Variants in ABCG8 observed in about 807,000 individuals in gnomAD.
The protein encoded by ABCG8 is ATP binding cassette subfamily G member 8, also known as ATP-binding cassette sub-family G member 8.
Under a neutral mutation model 71.3 loss-of-function variants are expected in ABCG8, and 81 were observed. The ratio of observed to expected loss-of-function variants is 1.14; its 90% CI spans 0.95 to 1.37. The LOEUF (loss-of-function observed/expected upper bound fraction) is 1.37, where lower values mean the gene tolerates loss of function less well. ABCG8 is among the 40% of genes most tolerant of loss of function. The pLI is 0.00. For synonymous variants in ABCG8, 451 were observed against 354.7 expected, an observed-to-expected ratio of 1.27 and a Z score of -3.05; for missense variants, 1,119 against 866.2, an observed-to-expected ratio of 1.29 and a Z score of -3.66.
chr2:43,875,157 G>A lies in ABCG8; in HGVS notation c.1500G>A (p.Glu500=). 6.2e-7 allele frequency: 1 copy of A among 1,614,238 alleles called. No homozygotes were observed. Among genetic ancestry groups the A allele is most frequent in the Non-Finnish European group, 8.5e-7 (1 of 1,180,052 alleles). Reference sequence around the variant, plus strand: ...GCTGTTCTTTGCAGATCCTCGGGGAGCTTCCGGAGCACTGTGCCTACATCA... The same window carrying A: ...GCTGTTCTTTGCAGATCCTCGGGGAACTTCCGGAGCACTGTGCCTACATCA... The part of the protein sequence containing the change: ...GPYFFAKILG[E]LPEHCAYIII... Residue 500 remains glutamate (E), a synonymous_variant, in exon 11 of 13, where the codon GAG becomes GAA. Coordinates refer to ENST00000272286, the MANE Select transcript of ABCG8 (RefSeq NM_022437.3).
At chr2:43,841,627 C>A (rs369556847) in intron 1 of ABCG8, among the ~76,000 whole-genome samples, 13 of 152,296 alleles carry the variant, frequency 8.5e-5, no homozygotes, top group African/African-American at 3.1e-4. Flanking sequence ...GGAGTCAGGG[C>A]TGGCCCACAC....
At chr2:43,854,137 A>G (rs768974406) in intron 6 of ABCG8, among the ~76,000 whole-genome samples, 1 of 152,196 alleles carries the variant, frequency 6.6e-6, no homozygotes, top group Non-Finnish European at 1.5e-5. Flanking sequence ...TTTACATTTT[A>G]TATTGTTACT....
chr2:43,860,742 G>T (rs1213306941), intron 6 of ABCG8, among the ~76,000 whole-genome samples: 1 of 151,168 alleles, frequency 6.6e-6, no homozygotes, highest in African/African-American at 2.4e-5. Flanking sequence ...TATCTGGATA[G>T]AATTCTTACT....
chr2:43,857,958 C>A (rs1156584714), intron 6 of ABCG8, among the ~76,000 whole-genome samples: 4 of 150,888 alleles, frequency 2.7e-5, no homozygotes, highest in Non-Finnish European at 5.9e-5. Flanking sequence ...GTAGATTGCT[C>A]ACCATCTGGA....
intron 6 of ABCG8, among the ~76,000 whole-genome samples, chr2:43,862,267 T>A (rs1191091077): frequency 2.1e-5 from 3 of 146,188 alleles, no homozygotes; most frequent in Admixed American, 6.7e-5. Flanking sequence ...TGGATAGAAC[T>A]CTCACTATCT....
chr2:43,839,686 T>A (rs775055917), intron 1 of ABCG8, among the ~76,000 whole-genome samples: 14 of 152,046 alleles, frequency 9.2e-5, no homozygotes, highest in Non-Finnish European at 1.8e-4. Context: ...CCTCCCAAAG[T>A]GCTGGGATTA....
In ABCG8 at chr2:43,879,638, A is replaced by T. The variant is rs954068388; in HGVS notation, c.*1725A>T. Reference sequence around the variant, plus strand: ...CTATCATGTCCTCCATAGCAAGGGGATCTAGACCAGAATCAAGCCTTGGAT... The same window carrying T: ...CTATCATGTCCTCCATAGCAAGGGGTTCTAGACCAGAATCAAGCCTTGGAT... On this transcript the variant is annotated 3_prime_UTR_variant, in exon 13 of 13. Transcript: ENST00000272286. The T allele has an allele frequency of 6.6e-6, 1 of 152,200 alleles. No individual in the cohort carries two copies. The highest frequency in any genetic ancestry group is 2.4e-5 in the African/African-American group (1 of 41,444). The allele number at this position is 152,200 out of a possible 1,614,324, so 9.4% of individuals were successfully genotyped here.
rs904393241 is a variant in ABCG8 at position 43,882,154 on chromosome 2, A to G, written c.*4241A>G. ...TATTGGCTCAAATATTTCCTGATTTAAAAAAAAATCTGCTCTTGTTCCTAT... is the reference window on the plus strand; with the variant it reads ...TATTGGCTCAAATATTTCCTGATTTGAAAAAAAATCTGCTCTTGTTCCTAT... On this transcript the variant is annotated 3_prime_UTR_variant, in exon 13 of 13. Coordinates refer to ENST00000272286, the MANE Select transcript of ABCG8 (RefSeq NM_022437.3). The G allele has an allele frequency of 6.6e-6, 1 of 151,662 alleles. No individual in the cohort carries two copies. Among genetic ancestry groups the G allele is most frequent in the Non-Finnish European group, 1.5e-5 (1 of 67,910 alleles). 9.4% of individuals were successfully genotyped at this position (151,662 alleles called of 1,614,324 possible). A position where few individuals can be genotyped will look rare whatever the true frequency, so the allele number is the denominator to read the frequency against.
intron 4 of ABCG8, among the ~76,000 whole-genome samples, chr2:43,852,141 A>G (rs534103287): frequency 6.6e-6 from 1 of 152,258 alleles, no homozygotes; most frequent in African/African-American, 2.4e-5. Context: ...CGTTCCTAAC[A>G]CAGGGCACCA....
chr2:43,876,745 A>T (rs1292138824), intron 11 of ABCG8, among the ~76,000 whole-genome samples: 1 of 135,866 alleles, frequency 7.4e-6, no homozygotes, highest in African/African-American at 2.8e-5. Flanking sequence ...GGAATATGGG[A>T]GAGAGAGTGT....
chr2:43,868,505 T>G (rs995834908), intron 6 of ABCG8, among the ~76,000 whole-genome samples: 1 of 152,100 alleles, frequency 6.6e-6, no homozygotes, highest in African/African-American at 2.4e-5. Context: ...TCTGTCTGGA[T>G]AGAATTCTCA....
chr2:43,874,577 C>T, intron 10 of ABCG8, 94 bp downstream of exon 10: 1 of 1,031,798 alleles, frequency 9.7e-7, no homozygotes, highest in Non-Finnish European at 1.5e-6. Flanking sequence ...TTTTCTGAAC[C>T]ATGGGGCCGT....
chr2:43,876,433 T>C (rs1669960574), intron 11 of ABCG8, among the ~76,000 whole-genome samples: 1 of 150,132 alleles, frequency 6.7e-6, no homozygotes, highest in Non-Finnish European at 1.5e-5. Flanking sequence ...GGAGACTGAA[T>C]ACGGGGGAGA....
intron 10 of ABCG8, 125 bp downstream of exon 10, chr2:43,874,608 T>G: frequency 1.3e-6 from 1 of 765,700 alleles, no homozygotes; most frequent in Non-Finnish European, 2.3e-6. Flanking sequence ...AAGTCACCGA[T>G]GCCACCAGAT....
rs1668977541 is a variant in ABCG8 at position 43,852,876 on chromosome 2, C to T, written c.964+8C>T. 6.8e-6 allele frequency: 11 copies of T among 1,613,786 alleles called. No homozygotes were observed. In the East Asian group the frequency reaches 2.5e-4, roughly 36 times the overall value. ...ATCCTGCTGACTTCTATGGTGAGTCCCCAAGGCCAGCAGCCAGGGCCCTGG... is the reference window on the plus strand; with the variant it reads ...ATCCTGCTGACTTCTATGGTGAGTCTCCAAGGCCAGCAGCCAGGGCCCTGG... On this transcript the variant is annotated splice_region_variant and intron_variant, in intron 6 of 12. Coordinates refer to ENST00000272286, the MANE Select transcript of ABCG8 (RefSeq NM_022437.3).
At position 43,877,855 on chromosome 2, in the gene ABCG8, T is replaced by C; in HGVS notation, c.1964T>C (p.Met655Thr). The change falls in exon 13 of 13, where the codon ATG (methionine) becomes ACG (threonine). Residue 655 changes from methionine (M) to threonine (T), a missense_variant. Coordinates refer to ENST00000272286, the MANE Select transcript of ABCG8 (RefSeq NM_022437.3). The part of the protein sequence containing the change: ...LIVIGLSGGF[M>T]VLYYVSLRFI... ...GTCATTGGCCTCAGCGGTGGCTTCA[T>C]GGTCCTGTACTACGTGTCCTTAAGG... The C allele has an allele frequency of 1.2e-6, 2 of 1,614,136 alleles. No homozygotes were observed. The highest frequency in any genetic ancestry group is 1.7e-6 in the Non-Finnish European group (2 of 1,180,030).
chr2:43,865,399 C>G (rs762957021), intron 6 of ABCG8, among the ~76,000 whole-genome samples: 30 of 136,350 alleles, frequency 2.2e-4, no homozygotes, highest in African/African-American at 5.1e-4. Context: ...GCATGGAACT[C>G]TCACTATCTG....
At chr2:43,864,942 A>G (rs1344784040) in intron 6 of ABCG8, among the ~76,000 whole-genome samples, 1 of 147,962 alleles carries the variant, frequency 6.8e-6, no homozygotes, top group Non-Finnish European at 1.5e-5. Flanking sequence ...AACTCTCACT[A>G]TCTATCTAGA....
At chr2:43,868,330 T>C (rs891539628) in intron 6 of ABCG8, among the ~76,000 whole-genome samples, 2 of 151,576 alleles carry the variant, frequency 1.3e-5, no homozygotes, top group African/African-American at 4.9e-5. Context: ...TCACTATCTG[T>C]CTGGTAGAAT....
Sources: allele counts gnomAD v4.1 joint callset (sites outside exome capture counted in the v4.1 genomes callset), GRCh38; gene constraint gnomAD v4.1.1; transcripts MANE v1.5; gene names NCBI Gene and HGNC (gene_info 2026-07-23, HGNC 2026-07-21).